Variants in MLLT3 observed in about 807,000 individuals in gnomAD.
MLLT3 encodes the protein MLLT3 super elongation complex subunit.
A neutral mutation model predicts 53.2 loss-of-function variants in MLLT3; 4 were observed. That is an observed-to-expected ratio of 0.08 (90% CI 0.04 to 0.17). The LOEUF (loss-of-function observed/expected upper bound fraction) is 0.17. Ranked by LOEUF, MLLT3 falls within the 10% of genes least tolerant of loss-of-function variation. The pLI is 1.00. For synonymous variants in MLLT3, 283 were observed against 230.6 expected (o/e 1.23, Z -2.06); for missense variants, 569 against 684.0 (o/e 0.83, Z 1.87).
intron 3 of MLLT3, among the ~76,000 whole-genome samples, chr9:20,455,458 C>A (rs953654378): frequency 1.3e-5 from 2 of 152,182 alleles, no homozygotes; most frequent in Admixed American, 1.3e-4. Context: ...GAAGGACTAG[C>A]AAATATGCAG....
intron 2 of MLLT3, among the ~76,000 whole-genome samples, chr9:20,614,944 A>G (rs1036830639): frequency 6.6e-6 from 1 of 152,112 alleles, no homozygotes; most frequent in African/African-American, 2.4e-5. Flanking sequence ...AAACCAAGTG[A>G]TATCCCTGCC....
rs549448230 is a variant in MLLT3 at position 20,386,473 on chromosome 9, C to A, written c.1126-20729G>T. Among the ~76,000 whole-genome samples the A allele has an allele frequency of 1.1e-4, 16 of 152,290 alleles. No individual in the cohort carries two copies. In the South Asian group the frequency reaches 3.3e-3, roughly 32 times the overall value. On this transcript the variant is annotated intron_variant, in intron 5 of 10. Coordinates refer to ENST00000380338, the MANE Select transcript of MLLT3 (RefSeq NM_004529.4). ...TGGCTGTAGCTTTGCTAAAGAAAGA[C>A]CAACAAGGAGTTGATCTGGCTCCTG...
chr9:20,402,629 C>T (rs555483378), intron 5 of MLLT3, among the ~76,000 whole-genome samples: 20 of 152,220 alleles, frequency 1.3e-4, no homozygotes, highest in Non-Finnish European at 5.9e-5. Flanking sequence ...TGCCAGATAC[C>T]TAAATGTGTC....
At chr9:20,455,920 C>G (rs1009164183) in intron 3 of MLLT3, among the ~76,000 whole-genome samples, 6 of 146,496 alleles carry the variant, frequency 4.1e-5, no homozygotes, top group Admixed American at 6.8e-5. Flanking sequence ...ATATGTACTG[C>G]TAAAAACTTT....
Position 20,345,985 on chromosome 9 carries a change from G to A in MLLT3, c.*458C>T. On this transcript the variant is annotated 3_prime_UTR_variant, in exon 11 of 11. Transcript: ENST00000380338. ...ATCCACGGGACCAAGTACTTATAAT[G>A]TCTGATGGTGTCATTCCCTCAACGA... 4.3e-6 allele frequency: 1 copy of A among 234,892 alleles called. No individual in the cohort carries two copies. Among genetic ancestry groups the A allele is most frequent in the East Asian group, 6.1e-5 (1 of 16,460 alleles). 14.6% of individuals were successfully genotyped at this position (234,892 alleles called of 1,614,324 possible).
intron 2 of MLLT3, among the ~76,000 whole-genome samples, chr9:20,565,951 TA>T (rs1293696816): frequency 1.4e-3 from 11 of 8,086 alleles, no homozygotes; most frequent in South Asian, 4.2e-3. Flanking sequence ...TATATATATA[TA>T]TTTATATATA....
At chr9:20,385,006 C>G (rs900092964) in intron 5 of MLLT3, among the ~76,000 whole-genome samples, 1 of 152,008 alleles carries the variant, frequency 6.6e-6, no homozygotes, top group Non-Finnish European at 1.5e-5. Context: ...ACTAAAAATT[C>G]TTGCAGAAAA....
intron 4 of MLLT3, among the ~76,000 whole-genome samples, chr9:20,432,575 G>A (rs1396988526): frequency 6.6e-6 from 1 of 152,042 alleles, no homozygotes; most frequent in Non-Finnish European, 1.5e-5. Flanking sequence ...AGCTCTATGT[G>A]CGGCACATAC....
chr9:20,499,345 A>T (rs1052095213), intron 2 of MLLT3, among the ~76,000 whole-genome samples: 1 of 152,224 alleles, frequency 6.6e-6, no homozygotes, highest in Admixed American at 6.5e-5. Context: ...CATAACAGGC[A>T]TTTAGTGTTT....
intron 2 of MLLT3, among the ~76,000 whole-genome samples, chr9:20,541,342 CT>C (rs1475682919): frequency 6.6e-6 from 1 of 152,202 alleles, no homozygotes; most frequent in African/African-American, 2.4e-5. Flanking sequence ...CAGTGCCACA[CT>C]ACCAGTACCA....
intron 5 of MLLT3, among the ~76,000 whole-genome samples, chr9:20,372,678 G>A (rs1268857203): frequency 6.7e-6 from 1 of 149,412 alleles, no homozygotes; most frequent in Non-Finnish European, 1.5e-5. Flanking sequence ...AAAGTGCTGG[G>A]ATTACAGGCA....
At position 20,399,179 on chromosome 9, in the gene MLLT3, T is replaced by C. The variant is rs527531886; in HGVS notation, c.1125+14542A>G. ...TTTGTACAGGGAGTTCTCTCACTCA[T>C]GTGACCTGTCTAGTCCACCTCCATA... On this transcript the variant is annotated intron_variant, in intron 5 of 10. Coordinates refer to ENST00000380338, the MANE Select transcript of MLLT3 (RefSeq NM_004529.4). 1.3e-4 allele frequency among the ~76,000 whole-genome samples: 20 copies of C among 152,308 alleles called. 1 individual carries two copies. In the South Asian group the frequency reaches 3.9e-3, roughly 30 times the overall value.
At chr9:20,491,307 AT>A (rs1218401565) in intron 2 of MLLT3, among the ~76,000 whole-genome samples, 2 of 152,162 alleles carry the variant, frequency 1.3e-5, no homozygotes, top group African/African-American at 4.8e-5. Flanking sequence ...GAAGAAAAAA[AT>A]GAAAGTAATT....
Position 20,620,554 on chromosome 9 carries a change from C to T in MLLT3, c.193+100G>A, listed in dbSNP as rs1394040257. The T allele has an allele frequency of 1.0e-5, 11 of 1,102,898 alleles. No homozygotes were observed. In the Admixed American group the frequency reaches 2.7e-4, roughly 27 times the overall value. The allele number at this position is 1,102,898 out of a possible 1,614,324, so 68.3% of individuals were successfully genotyped here. Reference sequence around the variant, plus strand: ...CGGATCCCGAGGCTACGCCGGCGAGCGCGGCGCGGGGGGCGGGGAGCGGGA... The same window carrying T: ...CGGATCCCGAGGCTACGCCGGCGAGTGCGGCGCGGGGGGCGGGGAGCGGGA... On this transcript the variant is annotated intron_variant, in intron 2 of 10. Transcript: ENST00000380338. This position sits in a 1 kb window ranked among gnomAD's most constrained non-coding sequence, Gnocchi z 6.1.
intron 2 of MLLT3, among the ~76,000 whole-genome samples, chr9:20,606,061 T>A (rs1260463206): frequency 6.6e-6 from 1 of 152,130 alleles, no homozygotes; most frequent in Non-Finnish European, 1.5e-5. Context: ...TAAAATTAAA[T>A]AAATTAGTTT....
At chr9:20,591,586 A>C (rs1820130633) in intron 2 of MLLT3, among the ~76,000 whole-genome samples, 1 of 152,236 alleles carries the variant, frequency 6.6e-6, no homozygotes, top group Admixed American at 6.5e-5. Context: ...CAACTTAGGC[A>C]GAGTTATAGA....
chr9:20,594,676 A>AGCCAAAACCC (rs1381625892), intron 2 of MLLT3, among the ~76,000 whole-genome samples: 1 of 152,232 alleles, frequency 6.6e-6, no homozygotes, highest in Non-Finnish European at 1.5e-5. Flanking sequence ...TAAAGAAGTC[A>AGCCAAAACCC]GCCAAAACCC....
chr9:20,591,724 A>G (rs1273373223), intron 2 of MLLT3, among the ~76,000 whole-genome samples: 7 of 152,246 alleles, frequency 4.6e-5, no homozygotes. Context: ...CTTTAAGAGA[A>G]AGGTGTTTAA....
chr9:20,536,713 G>C (rs966936710), intron 2 of MLLT3, among the ~76,000 whole-genome samples: 2 of 152,064 alleles, frequency 1.3e-5, no homozygotes, highest in African/African-American at 2.4e-5. Flanking sequence ...TTGTAGTAGT[G>C]CCTATTTTGT....
Sources: allele counts gnomAD v4.1 joint callset (sites outside exome capture counted in the v4.1 genomes callset), GRCh38; gene constraint gnomAD v4.1.1; non-coding constraint Gnocchi (gnomAD v3.1); transcripts MANE v1.5; gene names NCBI Gene and HGNC (gene_info 2026-07-23, HGNC 2026-07-21).